PTPRG: variants seen among roughly 807,000 people sequenced by gnomAD.
The protein encoded by PTPRG is receptor-type tyrosine-protein phosphatase gamma.
PTPRG carries 102 observed loss-of-function variants against 165.3 expected under a neutral mutation model. The observed-to-expected ratio is 0.62, with a 90% CI of 0.53 to 0.73. The LOEUF (loss-of-function observed/expected upper bound fraction) is 0.73, where lower values mean the gene tolerates loss of function less well. PTPRG is among the 30% of genes least tolerant of loss of function. The pLI is 0.00. For missense variants in PTPRG, 1,866 were observed against 1,861.4 expected (o/e 1.00, Z -0.05); for synonymous variants, 675 against 669.5 (o/e 1.01, Z -0.13).
At chr3:62,037,921 C>T (rs1357617710) in intron 4 of PTPRG, among the ~76,000 whole-genome samples, 3 of 152,184 alleles carry the variant, frequency 2.0e-5, no homozygotes, top group South Asian at 2.1e-4. Flanking sequence ...AAGGTCTCAT[C>T]TTCAAATATC....
chr3:61,639,608 G>A (rs374516114), intron 1 of PTPRG, among the ~76,000 whole-genome samples: 68 of 151,922 alleles, frequency 4.5e-4, no homozygotes, highest in African/African-American at 1.5e-3. Flanking sequence ...CGTACTTCTT[G>A]TAGCAATCTT....
chr3:61,957,603 G>GCTTCCAAGGGGATGC (rs2040062598), intron 2 of PTPRG, among the ~76,000 whole-genome samples: 1 of 152,182 alleles, frequency 6.6e-6, no homozygotes, highest in African/African-American at 2.4e-5. Context: ...TCATTAAATG[G>GCTTCCAAGGGGATGC]CTTCCAAGGG....
At chr3:61,637,502 T>G (rs1334267341) in intron 1 of PTPRG, among the ~76,000 whole-genome samples, 1 of 152,122 alleles carries the variant, frequency 6.6e-6, no homozygotes, top group Non-Finnish European at 1.5e-5. Flanking sequence ...CCAGAGAACT[T>G]TCTGTGGCTT....
intron 9 of PTPRG, among the ~76,000 whole-genome samples, chr3:62,191,879 C>T (rs1156610903): frequency 2.6e-5 from 4 of 152,176 alleles, no homozygotes; most frequent in Non-Finnish European, 4.4e-5. Flanking sequence ...CTATGCAACC[C>T]GGAGAGCCGG....
At chr3:61,931,999 C>T in intron 2 of PTPRG, among the ~76,000 whole-genome samples, 1 of 152,192 alleles carries the variant, frequency 6.6e-6, no homozygotes. Flanking sequence ...TCATGACATT[C>T]ATCATTTGTA....
chr3:61,704,339 AC>A lies in PTPRG; in HGVS notation c.86-44538del, dbSNP rs1426430678. On this transcript the variant is annotated intron_variant, in intron 1 of 29. Transcript: ENST00000474889. ...TTTCTTGGCTTGGGCACTATTGGACACTTTGGGCCAGATAATTGCTGTGCAT... is the reference window on the plus strand; with the variant it reads ...TTTCTTGGCTTGGGCACTATTGGACATTTGGGCCAGATAATTGCTGTGCAT... Among the ~76,000 whole-genome samples the A allele has an allele frequency of 1.1e-4, 17 of 152,288 alleles. No individual in the cohort carries two copies. In the East Asian group the frequency reaches 3.1e-3, roughly 28 times the overall value.
chr3:61,933,122 A>G (rs1370823577), intron 2 of PTPRG, among the ~76,000 whole-genome samples: 1 of 152,210 alleles, frequency 6.6e-6, no homozygotes, highest in African/African-American at 2.4e-5. Flanking sequence ...CAGAAAGCAT[A>G]AATATGCAAA....
intron 26 of PTPRG, among the ~76,000 whole-genome samples, chr3:62,278,687 T>C (rs1702322397): frequency 6.6e-6 from 1 of 152,184 alleles, no homozygotes; most frequent in East Asian, 1.9e-4. Flanking sequence ...TTCTTCACTT[T>C]GTCGCATTTT....
intron 2 of PTPRG, chr3:61,769,885 C>T (rs1182834595): frequency 3.3e-5 from 5 of 152,106 alleles, no homozygotes; most frequent in African/African-American, 1.2e-4. Context: ...GATGTTCCCA[C>T]CTATCCCCTG....
intron 4 of PTPRG, among the ~76,000 whole-genome samples, chr3:62,021,342 A>G (rs1470428048): frequency 6.6e-6 from 1 of 152,252 alleles, no homozygotes; most frequent in Non-Finnish European, 1.5e-5. Context: ...AGCCAGGTGT[A>G]TATGACATGA....
At chr3:62,204,469 C>G (rs1700178847) in intron 12 of PTPRG, among the ~76,000 whole-genome samples, 1 of 152,072 alleles carries the variant, frequency 6.6e-6, no homozygotes, top group Non-Finnish European at 1.5e-5. Context: ...AGCCAGCAAG[C>G]TAGATGGTGG....
chr3:61,960,881 ATCT>A (rs1218162342), intron 2 of PTPRG, among the ~76,000 whole-genome samples: 1 of 152,124 alleles, frequency 6.6e-6, no homozygotes, highest in East Asian at 1.9e-4. Context: ...TATGTGTAAA[ATCT>A]TGCATTATAG....
chr3:61,852,029 A>G (rs1432945439), intron 2 of PTPRG, among the ~76,000 whole-genome samples: 1 of 152,202 alleles, frequency 6.6e-6, no homozygotes, highest in Non-Finnish European at 1.5e-5. Context: ...GCAATAGATA[A>G]CTAATACAAT....
intron 8 of PTPRG, among the ~76,000 whole-genome samples, chr3:62,176,157 T>C (rs1705414854): frequency 6.6e-6 from 1 of 152,134 alleles, no homozygotes; most frequent in African/African-American, 2.4e-5. Flanking sequence ...CTGATGGAAA[T>C]ATCGCAGGTT....
chr3:61,930,823 G>T (rs1327174640), intron 2 of PTPRG, among the ~76,000 whole-genome samples: 1 of 152,234 alleles, frequency 6.6e-6, no homozygotes, highest in Admixed American at 6.5e-5. Flanking sequence ...ACTTTGGGAG[G>T]CCGAGGCCGG....
In PTPRG at chr3:61,578,195, G is replaced by C. The variant is rs116695812; in HGVS notation, c.85+15823G>C. On this transcript the variant is annotated intron_variant, in intron 1 of 29. Coordinates refer to ENST00000474889, the MANE Select transcript of PTPRG (RefSeq NM_002841.4). ...GTTGCAGACTGGTCCCTGCTACCTA[G>C]AAAATCCAGGAACAACATCTCGCTT... Among the ~76,000 whole-genome samples, 1,078 of 152,288 alleles carry C rather than the reference G, an allele frequency of 7.1e-3. 18 individuals carry two copies. The highest frequency in any genetic ancestry group is 0.025 in the African/African-American group (1,018 of 41,546).
chr3:61,880,968 T>G (rs893182393), intron 2 of PTPRG, among the ~76,000 whole-genome samples: 1 of 151,788 alleles, frequency 6.6e-6, no homozygotes, highest in African/African-American at 2.4e-5. Context: ...TTTTTTAATT[T>G]TAAATTTTGT....
intron 1 of PTPRG, among the ~76,000 whole-genome samples, chr3:61,665,564 C>G (rs183706326): frequency 5.9e-4 from 89 of 151,732 alleles, no homozygotes; most frequent in African/African-American, 2.1e-3. Flanking sequence ...AGGGTTCATG[C>G]TTGTAATTCC....
chr3:62,076,187 T>C lies in PTPRG; in HGVS notation c.520-1976T>C, dbSNP rs529875527. ...CCGTAGTCCCAGCTGCTTAGGAGGC[T>C]GAGGTGGGAGGATCGCTTGAGTCCA... On this transcript the variant is annotated intron_variant, in intron 4 of 29. Coordinates refer to ENST00000474889, the MANE Select transcript of PTPRG (RefSeq NM_002841.4). Among the ~76,000 whole-genome samples the C allele has an allele frequency of 7.9e-5, 12 of 152,104 alleles. No individual in the cohort carries two copies. The South Asian group carries it at 2.3e-3, about 29-fold the overall frequency.
Sources: allele counts gnomAD v4.1 joint callset (sites outside exome capture counted in the v4.1 genomes callset), GRCh38; gene constraint gnomAD v4.1.1; transcripts MANE v1.5; gene names NCBI Gene and HGNC (gene_info 2026-07-23, HGNC 2026-07-21).